The following PCDH15 variants were observed in gnomAD, a reference collection of about 807,000 sequenced individuals.
PCDH15 encodes protocadherin-15.
In PCDH15, 129 loss-of-function variants were observed where a neutral mutation model predicts 178.5. The observed-to-expected ratio is 0.72, with a 90% confidence interval of 0.63 to 0.84. The LOEUF is 0.84. Ranked by LOEUF, PCDH15 falls within the 40% of genes least tolerant of loss-of-function variation. The probability of loss-of-function intolerance (pLI) is 0.00; values close to 1 mark genes in which losing one functional copy is unlikely to be tolerated. For missense variants in PCDH15, 2,230 were observed against 2,099.9 expected (o/e 1.06, Z -1.21); for synonymous variants, 800 against 732.0 (o/e 1.09, Z -1.50).
intron 3 of PCDH15, among the ~76,000 whole-genome samples, chr10:54,478,431 T>C (rs986053943): frequency 1.3e-5 from 2 of 152,150 alleles, no homozygotes; most frequent in Non-Finnish European, 2.9e-5. Context: ...AAATTCAATG[T>C]TATTCATATT....
chr10:53,808,326 G>GTATATATATATATA lies in PCDH15; in HGVS notation c.4672-1197_4672-1196insTATATATATATATA, dbSNP rs1263811377. 5 of 447,648 alleles carry GTATATATATATATA rather than the reference G, an allele frequency of 1.1e-5. No homozygotes were observed. In the African/African-American group the frequency reaches 1.2e-4, roughly 11 times the overall value. 27.7% of individuals were successfully genotyped at this position (447,648 alleles called of 1,614,324 possible). ...TGATATAAAAACATATATAGTGTGT[G>GTATATATATATATA]TGTGTATATATATATATATATATAT... On this transcript the variant is annotated intron_variant, in intron 37 of 37. Coordinates refer to ENST00000644397, the MANE Select transcript of PCDH15 (RefSeq NM_001384140.1).
At chr10:54,842,754 A>G (rs907840846) in intron 3 of PCDH15, among the ~76,000 whole-genome samples, 2 of 151,696 alleles carry the variant, frequency 1.3e-5, no homozygotes, top group Non-Finnish European at 2.9e-5. Flanking sequence ...GTATGGTATT[A>G]CCTCATATAA....
chr10:54,616,551 C>T (rs956311294), intron 2 of PCDH15, among the ~76,000 whole-genome samples: 3 of 152,014 alleles, frequency 2.0e-5, no homozygotes, highest in Non-Finnish European at 4.4e-5. Flanking sequence ...GACACCTTTC[C>T]AGATACAGAA....
chr10:54,194,742 A>ATC (rs1432348462), intron 11 of PCDH15, among the ~76,000 whole-genome samples: 5 of 151,586 alleles, frequency 3.3e-5, no homozygotes, highest in East Asian at 1.9e-4. Context: ...CTATCTATCT[A>ATC]TATATATACA....
intron 13 of PCDH15, among the ~76,000 whole-genome samples, chr10:54,162,981 C>A (rs779605551): frequency 2.1e-5 from 3 of 144,934 alleles, no homozygotes; most frequent in Admixed American, 2.1e-4. Flanking sequence ...TATAAACAAA[C>A]GTTTATGGAA....
chr10:54,579,936 A>G (rs537274086), intron 2 of PCDH15, among the ~76,000 whole-genome samples: 2 of 152,182 alleles, frequency 1.3e-5, no homozygotes, highest in Non-Finnish European at 1.5e-5. Flanking sequence ...ATGAAGACAC[A>G]CAACATTTCA....
intron 13 of PCDH15, among the ~76,000 whole-genome samples, chr10:54,174,697 CTTTTCTTTT>C (rs1189518544): frequency 5.6e-5 from 4 of 70,830 alleles, no homozygotes; most frequent in African/African-American, 2.3e-4. Context: ...TTTTCTTTTT[CTTTTCTTTT>C]TTTTTTTTTT....
At chr10:54,531,105 T>G (rs1180013431) in intron 2 of PCDH15, among the ~76,000 whole-genome samples, 1 of 152,180 alleles carries the variant, frequency 6.6e-6, no homozygotes, top group African/African-American at 2.4e-5. Context: ...CCCTATGGTC[T>G]GTGGATCATC....
At chr10:54,584,666 A>G (rs71492622) in intron 2 of PCDH15, among the ~76,000 whole-genome samples, 8,278 of 152,092 alleles carry the variant, frequency 0.054, 318 homozygotes, top group South Asian at 0.11. Flanking sequence ...CTTGTTTCCT[A>G]TGATATCCTC....
chr10:55,153,898 G>A (rs1434502442), intron 2 of PCDH15, among the ~76,000 whole-genome samples: 1 of 152,164 alleles, frequency 6.6e-6, no homozygotes, highest in Non-Finnish European at 1.5e-5. Flanking sequence ...AGCATTGTGA[G>A]CCAGAGTTGT....
chr10:54,620,944 G>A (rs2093332240), intron 2 of PCDH15, among the ~76,000 whole-genome samples: 1 of 151,758 alleles, frequency 6.6e-6, no homozygotes, highest in African/African-American at 2.4e-5. Context: ...AAAGAAGTAA[G>A]AACAAAAATA....
intron 1 of PCDH15, among the ~76,000 whole-genome samples, chr10:55,300,084 C>T (rs904702369): frequency 1.3e-5 from 2 of 152,084 alleles, no homozygotes; most frequent in Non-Finnish European, 2.9e-5. Flanking sequence ...TTTTAAAATA[C>T]TTATTACAGT....
intron 1 of PCDH15, among the ~76,000 whole-genome samples, chr10:54,748,530 T>C (rs1436847772): frequency 6.6e-6 from 1 of 152,180 alleles, no homozygotes; most frequent in African/African-American, 2.4e-5. Context: ...GTCCCCACGG[T>C]ATATTCGATC....
rs543493162 is a variant in PCDH15 at position 55,262,896 on chromosome 10, A to C, written c.-156+56703T>G. Among the ~76,000 whole-genome samples, 119 of 152,284 alleles carry C rather than the reference A, an allele frequency of 7.8e-4. 2 individuals carry two copies. In the South Asian group the frequency reaches 0.024, roughly 30 times the overall value. On this transcript the variant is annotated intron_variant, in intron 1 of 5. Coordinates refer to the PCDH15 transcript ENST00000458638. ...GGCTAAACTGAAAGAGCACACTCTA[A>C]CACACGCCCATTGGGACTTCAGCTG...
intron 2 of PCDH15, among the ~76,000 whole-genome samples, chr10:55,364,442 C>T (rs937500467): frequency 1.3e-5 from 2 of 152,112 alleles, no homozygotes; most frequent in Non-Finnish European, 2.9e-5. Flanking sequence ...AATGTACAGT[C>T]ATTGAGTCAT....
chr10:55,079,804 G>A (rs892250861), intron 2 of PCDH15, among the ~76,000 whole-genome samples: 1 of 152,146 alleles, frequency 6.6e-6, no homozygotes, highest in African/African-American at 2.4e-5. Context: ...TCAGGTTCAT[G>A]AGGAAAGTGT....
intron 2 of PCDH15, among the ~76,000 whole-genome samples, chr10:55,325,976 A>G (rs1432556828): frequency 6.6e-6 from 1 of 152,128 alleles, no homozygotes; most frequent in African/African-American, 2.4e-5. Context: ...GCCTACAAGT[A>G]TATGAAAAAA....
At chr10:54,407,671 C>G (rs895592290) in intron 3 of PCDH15, among the ~76,000 whole-genome samples, 3 of 151,950 alleles carry the variant, frequency 2.0e-5, no homozygotes, top group Non-Finnish European at 2.9e-5. Context: ...CACTTGTGTC[C>G]ACAAGGGAAT....
chr10:54,469,728 T>G (rs2136654364), intron 3 of PCDH15, among the ~76,000 whole-genome samples: 1 of 152,206 alleles, frequency 6.6e-6, no homozygotes, highest in Non-Finnish European at 1.5e-5. Context: ...GTGACAGTGA[T>G]GAACTGGGTG....
Sources: allele counts gnomAD v4.1 joint callset (sites outside exome capture counted in the v4.1 genomes callset), GRCh38; gene constraint gnomAD v4.1.1; transcripts MANE v1.5; gene names NCBI Gene and HGNC (gene_info 2026-07-23, HGNC 2026-07-21).